Variants in SGCZ observed in about 807,000 individuals in gnomAD.
The protein encoded by SGCZ is sarcoglycan zeta.
In SGCZ, 40 loss-of-function variants were observed where a neutral mutation model predicts 41.3. That is an observed-to-expected ratio of 0.97 (90% confidence interval 0.75 to 1.26). SGCZ has a LOEUF of 1.26. Among genes scored for constraint, SGCZ ranks in the 50% most tolerant of loss-of-function variants. SGCZ has a pLI of 0.00. For synonymous variants in SGCZ, 206 were observed against 137.5 expected (o/e 1.50, Z -3.49); for missense variants, 552 against 369.8 (o/e 1.49, Z -4.04).
chr8:14,303,144 A>T (rs1801249775), intron 3 of SGCZ, among the ~76,000 whole-genome samples: 1 of 152,212 alleles, frequency 6.6e-6, no homozygotes, highest in African/African-American at 2.4e-5. Context: ...AAAAGAAAAT[A>T]AACGTATATT....
At chr8:14,632,081 C>A (rs973516643) in intron 1 of SGCZ, among the ~76,000 whole-genome samples, 33 of 152,130 alleles carry the variant, frequency 2.2e-4, no homozygotes, top group African/African-American at 7.5e-4. Context: ...TGCAGTGGCA[C>A]AATCACAGCT....
At chr8:14,119,782 A>ATTTTATCAAAGGCC (rs1302837035) in intron 5 of SGCZ, among the ~76,000 whole-genome samples, 3 of 152,090 alleles carry the variant, frequency 2.0e-5, no homozygotes, top group Non-Finnish European at 4.4e-5. Context: ...GTGGTGTTGA[A>ATTTTATCAAAGGCC]TTTTATCAAA....
At chr8:14,941,925 A>G (rs189475678) in intron 1 of SGCZ, among the ~76,000 whole-genome samples, 22 of 152,020 alleles carry the variant, frequency 1.4e-4, no homozygotes, top group Non-Finnish European at 1.9e-4. Flanking sequence ...AAAAAGTTAA[A>G]ATATATAATG....
At chr8:14,975,809 A>ATATATGTGTG (rs1181919961) in intron 1 of SGCZ, among the ~76,000 whole-genome samples, 1,969 of 131,792 alleles carry the variant, frequency 0.015, 50 homozygotes, top group African/African-American at 0.062. Context: ...ATATATATAT[A>ATATATGTGTG]TGTGTGTGTG....
chr8:14,775,967 C>G (rs895882024), intron 1 of SGCZ, among the ~76,000 whole-genome samples: 3 of 152,012 alleles, frequency 2.0e-5, no homozygotes, highest in African/African-American at 7.3e-5. Context: ...TGGGCTTTTC[C>G]AAGGTAAATA....
intron 1 of SGCZ, among the ~76,000 whole-genome samples, chr8:15,185,443 C>T (rs1800303804): frequency 6.6e-6 from 1 of 152,216 alleles, no homozygotes; most frequent in African/African-American, 2.4e-5. Context: ...CACTGAGACA[C>T]TGCAAGATAT....
At chr8:14,261,254 T>C (rs986549210) in intron 3 of SGCZ, among the ~76,000 whole-genome samples, 1 of 152,182 alleles carries the variant, frequency 6.6e-6, no homozygotes, top group African/African-American at 2.4e-5. Flanking sequence ...AAGCCTGTCT[T>C]TTAATATTTT....
chr8:14,435,207 A>C (rs1053842735), intron 2 of SGCZ, among the ~76,000 whole-genome samples: 3 of 152,174 alleles, frequency 2.0e-5, no homozygotes, highest in African/African-American at 7.2e-5. Context: ...AAAACGGTTA[A>C]ATTTAATATC....
intron 2 of SGCZ, among the ~76,000 whole-genome samples, chr8:14,356,145 C>G (rs1281304297): frequency 6.6e-6 from 1 of 152,128 alleles, no homozygotes; most frequent in African/African-American, 2.4e-5. Context: ...AGATTTTGCC[C>G]AACTGTAGGC....
chr8:15,086,551 G>T (rs1265122866), intron 1 of SGCZ, among the ~76,000 whole-genome samples: 2 of 151,996 alleles, frequency 1.3e-5, no homozygotes, highest in Non-Finnish European at 2.9e-5. Context: ...TGAAGTGATA[G>T]ATCAGCTAAT....
chr8:14,143,088 T>C (rs2116929610), intron 5 of SGCZ, among the ~76,000 whole-genome samples: 1 of 151,568 alleles, frequency 6.6e-6, no homozygotes, highest in Admixed American at 6.6e-5. Context: ...TGATGCAGAA[T>C]AGCATTTGGT....
intron 1 of SGCZ, among the ~76,000 whole-genome samples, chr8:15,075,919 G>A (rs1467757421): frequency 6.6e-6 from 1 of 150,442 alleles, no homozygotes; most frequent in Non-Finnish European, 1.5e-5. Context: ...CAAATCATTT[G>A]AAATATCCCA....
chr8:14,919,300 G>A (rs1367394180), intron 1 of SGCZ, among the ~76,000 whole-genome samples: 1 of 151,962 alleles, frequency 6.6e-6, no homozygotes, highest in Non-Finnish European at 1.5e-5. Context: ...AATTAGCTGG[G>A]TGTCGTGGCA....
chr8:14,561,061 C>G (rs950136764), intron 1 of SGCZ, among the ~76,000 whole-genome samples: 2 of 151,960 alleles, frequency 1.3e-5, no homozygotes, highest in Admixed American at 6.6e-5. Flanking sequence ...GTTGTTAAAT[C>G]TGAGTGTTTT....
At chr8:15,062,212 G>T (rs1052718032) in intron 1 of SGCZ, among the ~76,000 whole-genome samples, 7 of 152,074 alleles carry the variant, frequency 4.6e-5, no homozygotes, top group Admixed American at 4.6e-4. Context: ...TATAGTTAAT[G>T]AAAAGGTTAG....
At chr8:14,720,884 GT>G (rs1026270556) in intron 1 of SGCZ, among the ~76,000 whole-genome samples, 1 of 149,688 alleles carries the variant, frequency 6.7e-6, no homozygotes, top group African/African-American at 2.5e-5. Context: ...TTCCAATCAG[GT>G]TTTTTCCCCA....
intron 1 of SGCZ, among the ~76,000 whole-genome samples, chr8:14,578,193 T>C (rs1310234360): frequency 1.3e-5 from 2 of 152,198 alleles, no homozygotes; most frequent in African/African-American, 4.8e-5. Flanking sequence ...GGCAAAGCAC[T>C]GATGAAAATA....
intron 1 of SGCZ, among the ~76,000 whole-genome samples, chr8:15,090,552 A>T (rs1366915139): frequency 6.6e-6 from 1 of 152,190 alleles, no homozygotes; most frequent in African/African-American, 2.4e-5. Flanking sequence ...CGCAATTCAA[A>T]CACAAGCATA....
chr8:15,119,373 T>C (rs1009096208), intron 1 of SGCZ, among the ~76,000 whole-genome samples: 2 of 151,272 alleles, frequency 1.3e-5, no homozygotes, highest in African/African-American at 2.4e-5. Flanking sequence ...CTACAGAAAA[T>C]ACAAAAATTA....
Sources: allele counts gnomAD v4.1 joint callset (sites outside exome capture counted in the v4.1 genomes callset), GRCh38; gene constraint gnomAD v4.1.1; transcripts MANE v1.5; gene names NCBI Gene and HGNC (gene_info 2026-07-23, HGNC 2026-07-21).